Variants in GSTO2 observed in about 807,000 individuals in gnomAD.
The protein encoded by GSTO2 is glutathione S-transferase omega-2.
In GSTO2, 23 loss-of-function variants were observed where a neutral mutation model predicts 28.4. That is an observed-to-expected ratio of 0.81 (90% CI 0.58 to 1.15). The LOEUF (loss-of-function observed/expected upper bound fraction) is 1.15. Ranked by LOEUF, GSTO2 falls within the 50% of genes most tolerant of loss-of-function variation. GSTO2 has a pLI of 0.00. For synonymous variants in GSTO2, 109 were observed against 111.0 expected, an observed-to-expected ratio of 0.98 and a Z score of 0.11; for missense variants, 298 against 297.8, an observed-to-expected ratio of 1.00 and a Z score of 0.00.
chr10:104,273,392 T>G (rs993489792), intron 1 of GSTO2, among the ~76,000 whole-genome samples: 10 of 152,276 alleles, frequency 6.6e-5, no homozygotes, highest in African/African-American at 2.4e-4. Context: ...ACTTTCCATA[T>G]TATTATCTAA....
chr10:104,287,144 C>T (rs1276180250), intron 5 of GSTO2, among the ~76,000 whole-genome samples: 2 of 152,128 alleles, frequency 1.3e-5, no homozygotes, highest in Non-Finnish European at 2.9e-5. Context: ...CCTTGAACTC[C>T]TGAGCTCAAG....
chr10:104,290,710 A>G (rs1206598834), intron 5 of GSTO2, among the ~76,000 whole-genome samples: 1 of 152,198 alleles, frequency 6.6e-6, no homozygotes, highest in African/African-American at 2.4e-5. Context: ...GAACTCATGA[A>G]CACAGAGAGT....
intron 5 of GSTO2, among the ~76,000 whole-genome samples, chr10:104,291,974 A>G (rs1362786322): frequency 6.6e-6 from 1 of 152,170 alleles, no homozygotes; most frequent in Non-Finnish European, 1.5e-5. Context: ...TTAAGCCTGA[A>G]TTGAAAATGT....
chr10:104,272,146 CTG>C (rs1162278068), intron 1 of GSTO2, among the ~76,000 whole-genome samples: 1 of 152,104 alleles, frequency 6.6e-6, no homozygotes, highest in Non-Finnish European at 1.5e-5. Flanking sequence ...GTGGAAGAGA[CTG>C]TGCATGTGCG....
At chr10:104,296,347 G>C (rs1251474240) in intron 5 of GSTO2, 1 of 152,220 alleles carries the variant, frequency 6.6e-6, no homozygotes, top group South Asian at 2.1e-4. Flanking sequence ...TGGGGGCCGG[G>C]TGCAGTGGCT....
intron 1 of GSTO2, among the ~76,000 whole-genome samples, chr10:104,270,195 A>G (rs1176434954): frequency 2.0e-5 from 3 of 152,012 alleles, no homozygotes; most frequent in African/African-American, 7.3e-5. Context: ...TTGTATTTTT[A>G]GTAGAGACGG....
In GSTO2 at chr10:104,279,403, T is replaced by C; in HGVS notation, c.400T>C (p.Leu134=). ...TTTGACCAAGGAGTGCCTGGTAGCG[T>C]TGAGATGTGGGAGAGAATGCACTAA... The part of the protein sequence containing the change: ...PHLTKECLVA[L]RCGRECTNLK... The change falls in exon 5 of 7, where the codon TTG becomes CTG. Residue 134 remains leucine (L), a synonymous_variant. Coordinates refer to ENST00000338595, the MANE Select transcript of GSTO2 (RefSeq NM_183239.2). 1 of 1,613,834 alleles carries C rather than the reference T, an allele frequency of 6.2e-7. No homozygotes were observed. The highest frequency in any genetic ancestry group is 8.5e-7 in the Non-Finnish European group (1 of 1,179,802).
rs1179845832 is a variant in GSTO2, at chr10:104,274,921, T to C, written c.6T>C (p.Ser2=). 5.6e-6 allele frequency: 9 copies of C among 1,609,890 alleles called. No homozygotes were observed. Among genetic ancestry groups the C allele is most frequent in the Admixed American group, 5.1e-5 (3 of 59,362 alleles). Reference sequence around the variant, plus strand: ...GCGCAAACCACCTGGAGACCATGTCTGGGGATGCGACCAGGACCCTGGGGA... The same window carrying C: ...GCGCAAACCACCTGGAGACCATGTCCGGGGATGCGACCAGGACCCTGGGGA... The part of the protein sequence containing the change: M[S]GDATRTLGKG... The change falls in exon 2 of 7, where the codon TCT becomes TCC. Residue 2 remains serine, a synonymous_variant. Transcript: ENST00000338595.
intron 3 of GSTO2, among the ~76,000 whole-genome samples, chr10:104,277,676 A>T (rs1241440380): frequency 2.0e-5 from 3 of 152,220 alleles, no homozygotes; most frequent in Non-Finnish European, 4.4e-5. Flanking sequence ...TTCAGGGGGA[A>T]TTATGAGGAA....
At chr10:104,285,648 T>G (rs1157211965) in intron 5 of GSTO2, among the ~76,000 whole-genome samples, 6 of 152,086 alleles carry the variant, frequency 3.9e-5, no homozygotes, top group Non-Finnish European at 5.9e-5. Context: ...TTTAATTTTT[T>G]GTGGAGACGA....
At chr10:104,284,049 T>C (rs574092739) in intron 5 of GSTO2, among the ~76,000 whole-genome samples, 11 of 152,206 alleles carry the variant, frequency 7.2e-5, no homozygotes, top group African/African-American at 2.4e-4. Context: ...GTTTTTTTGT[T>C]TGCTTGTTAG....
In GSTO2 at chr10:104,303,169, T is replaced by C. The variant is rs1436381722; in HGVS notation, c.*3885T>C. The C allele has an allele frequency of 6.6e-6, 1 of 152,224 alleles. No individual in the cohort carries two copies. Among genetic ancestry groups the C allele is most frequent in the African/African-American group, 2.4e-5 (1 of 41,464 alleles). The allele number at this position is 152,224 out of a possible 1,614,324, so 9.4% of individuals were successfully genotyped here. On this transcript the variant is annotated 3_prime_UTR_variant, in exon 7 of 7. Transcript: ENST00000338595. The stretch of plus-strand genomic sequence containing the variant: ...CCCTCCACATGTCCATGTGTTCTCA[T>C]GATTTAGCTCCCACTTATAAGTGAG...
At chr10:104,287,887 C>CT (rs397760653) in intron 5 of GSTO2, among the ~76,000 whole-genome samples, 30,888 of 116,244 alleles carry the variant, frequency 0.27, 4,750 homozygotes, top group Non-Finnish European at 0.31. Flanking sequence ...GAAAAAAACA[C>CT]TTTTTTTTTT....
At position 104,300,617 on chromosome 10, in the gene GSTO2, C is replaced by A. The variant is rs563227525; in HGVS notation, c.*1333C>A. Reference sequence around the variant, plus strand: ...GCCAACAGGTCCCTTGGGCTGGGAGCATCTACTGCCTGCACTATGGGAGGG... The same window carrying A: ...GCCAACAGGTCCCTTGGGCTGGGAGAATCTACTGCCTGCACTATGGGAGGG... On this transcript the variant is annotated 3_prime_UTR_variant, in exon 7 of 7. Coordinates refer to ENST00000338595, the MANE Select transcript of GSTO2 (RefSeq NM_183239.2). The A allele has an allele frequency of 1.3e-5, 2 of 152,434 alleles. No individual in the cohort carries two copies. The highest frequency in any genetic ancestry group is 4.1e-4 in the South Asian group (2 of 4,830). 9.4% of individuals were successfully genotyped at this position (152,434 alleles called of 1,614,324 possible). A position where few individuals can be genotyped will look rare whatever the true frequency, so the allele number is the denominator to read the frequency against.
In GSTO2 at chr10:104,278,117, G is replaced by A; in HGVS notation, c.366+1G>A. On this transcript the variant is annotated splice_donor_variant, in intron 4 of 6. Transcript: ENST00000338595. LOFTEE classifies it high-confidence loss of function. Reference sequence around the variant, plus strand: ...GATGTTATTGGAGCTATTTTGTAAGGTATATTCAATTTAAAAAGTCACTCA... The same window carrying A: ...GATGTTATTGGAGCTATTTTGTAAGATATATTCAATTTAAAAAGTCACTCA... 6.2e-7 allele frequency: 1 copy of A among 1,611,218 alleles called. No homozygotes were observed. Among genetic ancestry groups the A allele is most frequent in the Non-Finnish European group, 8.5e-7 (1 of 1,177,850 alleles).
intron 5 of GSTO2, among the ~76,000 whole-genome samples, chr10:104,281,870 G>C (rs1333040079): frequency 2.0e-5 from 3 of 152,176 alleles, no homozygotes; most frequent in Non-Finnish European, 4.4e-5. Flanking sequence ...TGTGGGGGTA[G>C]ATAATGCCTC....
At chr10:104,270,462 A>C (rs1348635187) in intron 1 of GSTO2, among the ~76,000 whole-genome samples, 1 of 152,108 alleles carries the variant, frequency 6.6e-6, no homozygotes, top group African/African-American at 2.4e-5. Flanking sequence ...GCCTTTACTT[A>C]TTCAAATGTT....
chr10:104,271,582 T>C (rs1217613057), intron 1 of GSTO2, among the ~76,000 whole-genome samples: 5 of 152,246 alleles, frequency 3.3e-5, no homozygotes, highest in African/African-American at 1.2e-4. Context: ...AGTCAGCCCA[T>C]TGGGCTCCAG....
At position 104,299,512 on chromosome 10, in the gene GSTO2, T is replaced by G; in HGVS notation, c.*228T>G. On this transcript the variant is annotated 3_prime_UTR_variant, in exon 7 of 7. Coordinates refer to ENST00000338595, the MANE Select transcript of GSTO2 (RefSeq NM_183239.2). ...TTTTTTTTTGAGGCAAGATCTTGCTTCGTTACTCAGGCTGGAGTGCAGTGG... is the reference window on the plus strand; with the variant it reads ...TTTTTTTTTGAGGCAAGATCTTGCTGCGTTACTCAGGCTGGAGTGCAGTGG... 2.1e-6 allele frequency: 1 copy of G among 475,942 alleles called. No homozygotes were observed. Among genetic ancestry groups the G allele is most frequent in the Non-Finnish European group, 3.7e-6 (1 of 269,756 alleles). The allele number at this position is 475,942 out of a possible 1,614,324, so 29.5% of individuals were successfully genotyped here. A position where few individuals can be genotyped will look rare whatever the true frequency, so the allele number is the denominator to read the frequency against.
Sources: gnomAD v4.1 joint callset for allele counts (sites outside exome capture counted in the v4.1 genomes callset) on GRCh38, gnomAD v4.1.1 for gene constraint, MANE v1.5 for transcripts, NCBI Gene and HGNC (gene_info 2026-07-23, HGNC 2026-07-21) for gene names.